SOX6: variants seen among roughly 807,000 people sequenced by gnomAD.
SOX6 encodes the protein transcription factor SOX-6.
A neutral mutation model predicts 97.8 loss-of-function variants in SOX6; 11 were observed. That is an observed-to-expected ratio of 0.11 (90% CI 0.07 to 0.19). The LOEUF is 0.19. Among genes scored for constraint, SOX6 ranks in the 10% least tolerant of loss-of-function variants. The probability of loss-of-function intolerance (pLI) is 1.00; values close to 1 mark genes in which losing one functional copy is unlikely to be tolerated. For missense variants in SOX6, 810 were observed against 1,039.5 expected, an observed-to-expected ratio of 0.78 and a Z score of 3.04; for synonymous variants, 360 against 371.4, an observed-to-expected ratio of 0.97 and a Z score of 0.35.
Position 16,341,317 on chromosome 11 carries a change from C to G in SOX6, c.-4-65G>C, listed in dbSNP as rs112574359. Reference sequence around the variant, plus strand: ...ATAACAAACCATAAACCAATCCTTGCATTTGGCTAGTTCAGGAAAGAAGGA... The same window carrying G: ...ATAACAAACCATAAACCAATCCTTGGATTTGGCTAGTTCAGGAAAGAAGGA... On this transcript the variant is annotated intron_variant, in intron 1 of 15. Transcript: ENST00000683767. The G allele has an allele frequency of 1.9e-6, 3 of 1,587,294 alleles. No individual in the cohort carries two copies. The African/African-American group carries it at 4.0e-5, about 21-fold the overall frequency.
chr11:16,550,337 G>A (rs1017190445), intron 4 of SOX6, among the ~76,000 whole-genome samples: 8 of 152,054 alleles, frequency 5.3e-5, no homozygotes, highest in African/African-American at 1.7e-4. Flanking sequence ...GAAGGGGAGG[G>A]ATAGCATTAG....
At chr11:16,289,788 AATG>A (rs1397193826) in intron 3 of SOX6, among the ~76,000 whole-genome samples, 1 of 151,966 alleles carries the variant, frequency 6.6e-6, no homozygotes, top group Non-Finnish European at 1.5e-5. Context: ...CCCAGAGTAA[AATG>A]TGGTTTAACA....
chr11:16,199,291 A>G (rs1851869504), intron 4 of SOX6, among the ~76,000 whole-genome samples: 1 of 152,212 alleles, frequency 6.6e-6, no homozygotes, highest in African/African-American at 2.4e-5. Context: ...TTGAACTAAA[A>G]AACATTCAAT....
chr11:16,120,781 G>A (rs1476071545), intron 6 of SOX6, among the ~76,000 whole-genome samples: 1 of 152,078 alleles, frequency 6.6e-6, no homozygotes, highest in East Asian at 1.9e-4. Flanking sequence ...ACTACCAAGA[G>A]TAAAACACGC....
At chr11:16,534,994 C>A (rs561575200) in intron 4 of SOX6, among the ~76,000 whole-genome samples, 2 of 152,202 alleles carry the variant, frequency 1.3e-5, no homozygotes, top group African/African-American at 4.8e-5. Context: ...TAGGAATTAT[C>A]CTTAACCTAA....
chr11:16,062,942 A>C (rs1422423971), intron 9 of SOX6, among the ~76,000 whole-genome samples: 1 of 151,758 alleles, frequency 6.6e-6, no homozygotes, highest in Non-Finnish European at 1.5e-5. Flanking sequence ...AGCTTGCCCA[A>C]GATCATATAA....
intron 2 of SOX6, among the ~76,000 whole-genome samples, chr11:16,322,277 C>A: frequency 6.6e-6 from 1 of 152,034 alleles, no homozygotes; most frequent in East Asian, 1.9e-4. Context: ...TTTCCCCTTG[C>A]TTATGATAAT....
intron 6 of SOX6, among the ~76,000 whole-genome samples, chr11:16,151,848 A>G (rs1850465576): frequency 6.6e-6 from 1 of 152,176 alleles, no homozygotes; most frequent in Non-Finnish European, 1.5e-5. Context: ...TGAAGGTACA[A>G]AGAACACATA....
At chr11:16,643,327 G>T (rs1350378656) in intron 3 of SOX6, among the ~76,000 whole-genome samples, 2 of 152,308 alleles carry the variant, frequency 1.3e-5, no homozygotes, top group Non-Finnish European at 2.9e-5. Flanking sequence ...TGCCCCTACT[G>T]GGGGGTGCCT....
chr11:16,340,765 C>A (rs962427165), intron 2 of SOX6, among the ~76,000 whole-genome samples: 2 of 152,004 alleles, frequency 1.3e-5, no homozygotes, highest in African/African-American at 4.8e-5. Context: ...CCAATCCCCC[C>A]ACAAAAATCA....
chr11:16,659,891 G>A (rs1847752933), intron 3 of SOX6, among the ~76,000 whole-genome samples: 1 of 152,050 alleles, frequency 6.6e-6, no homozygotes, highest in Non-Finnish European at 1.5e-5. Flanking sequence ...TATTTCATAT[G>A]TTATCAAATT....
rs530194343 is a variant in SOX6 at position 16,588,890 on chromosome 11, G to A, written n.609+23191C>T. On this transcript the variant is annotated intron_variant and non_coding_transcript_variant, in intron 4 of 5. Transcript: ENST00000524520. The stretch of plus-strand genomic sequence containing the variant: ...TTTTAAAAATTAAAAAATCAGCACA[G>A]CATGGTGGCCTATCATCCCAGCACT... Among the ~76,000 whole-genome samples the A allele has an allele frequency of 7.2e-5, 11 of 152,088 alleles. No homozygotes were observed. In the East Asian group the frequency reaches 2.1e-3, roughly 29 times the overall value.
chr11:16,524,182 G>A (rs552627571), intron 4 of SOX6, among the ~76,000 whole-genome samples: 31 of 152,134 alleles, frequency 2.0e-4, no homozygotes, highest in Middle Eastern at 6.8e-3. Flanking sequence ...ACAAAAAAGA[G>A]AATTTTAGAC....
chr11:16,146,942 C>T (rs1238188010), intron 6 of SOX6, among the ~76,000 whole-genome samples: 15 of 152,200 alleles, frequency 9.9e-5, no homozygotes, highest in Admixed American at 2.6e-4. Context: ...GAAGACAGTG[C>T]GGCGATTCCT....
At chr11:16,260,803 T>C (rs1853863650) in intron 3 of SOX6, among the ~76,000 whole-genome samples, 1 of 152,182 alleles carries the variant, frequency 6.6e-6, no homozygotes, top group Non-Finnish European at 1.5e-5. Flanking sequence ...AAATCCTTCA[T>C]ATAGCTTAAA....
chr11:16,517,610 A>T (rs1219848200), intron 4 of SOX6, among the ~76,000 whole-genome samples: 1 of 152,212 alleles, frequency 6.6e-6, no homozygotes, highest in East Asian at 1.9e-4. Flanking sequence ...TACTTCTTAC[A>T]TATAACCTAT....
rs1851383023 is a variant in SOX6 at position 16,183,020 on chromosome 11, T to C, written c.777+866A>G. ...AAGATCCCAGCAGGTTCTCCAATAA[T>C]CAAGGGAAACAAGAGTCTACCGTAG... On this transcript the variant is annotated intron_variant, in intron 6 of 15. Transcript: ENST00000683767. 2.0e-5 allele frequency among the ~76,000 whole-genome samples: 3 copies of C among 151,906 alleles called. No homozygotes were observed. In the South Asian group the frequency reaches 6.2e-4, roughly 31 times the overall value.
At chr11:16,480,646 C>CCA, upstream of SOX6, among the ~76,000 whole-genome samples, 1 of 8,174 alleles carries the variant, frequency 1.2e-4, no homozygotes, top group Non-Finnish European at 6.5e-4. Flanking sequence ...TTTTTAGTAA[C>CCA]CCCCCCCCCA....
chr11:16,722,619 C>A (rs1019078110), intron 2 of SOX6, among the ~76,000 whole-genome samples: 1 of 151,984 alleles, frequency 6.6e-6, no homozygotes, highest in African/African-American at 2.4e-5. Flanking sequence ...CCACTGCACT[C>A]CAGCCTGGGC....
Sources: gnomAD v4.1 joint callset for allele counts (sites outside exome capture counted in the v4.1 genomes callset) on GRCh38, gnomAD v4.1.1 for gene constraint, MANE v1.5 for transcripts, NCBI Gene and HGNC (gene_info 2026-07-23, HGNC 2026-07-21) for gene names.